ERBB4: variants seen among roughly 807,000 people sequenced by gnomAD.
ERBB4 encodes erb-b2 receptor tyrosine kinase 4, also known as receptor tyrosine-protein kinase erbB-4.
A neutral mutation model predicts 158.0 loss-of-function variants in ERBB4; 42 were observed. The observed-to-expected ratio is 0.27, with a 90% CI of 0.21 to 0.34. The LOEUF is 0.34. ERBB4 is among the 10% of genes least tolerant of loss of function. The pLI is 1.00. For missense variants in ERBB4, 1,333 were observed against 1,624.1 expected (o/e 0.82, Z 3.08); for synonymous variants, 583 against 558.7 (o/e 1.04, Z -0.61).
intron 25 of ERBB4, among the ~76,000 whole-genome samples, chr2:211,402,240 C>G (rs796539053): frequency 6.6e-6 from 1 of 151,856 alleles, no homozygotes; most frequent in African/African-American, 2.4e-5. Context: ...GATAACCAAC[C>G]GGTTACATTA....
intron 1 of ERBB4, among the ~76,000 whole-genome samples, chr2:212,127,856 TAG>T (rs1292129330): frequency 1.3e-5 from 2 of 152,162 alleles, no homozygotes; most frequent in South Asian, 4.2e-4. Context: ...CACCAGAAGC[TAG>T]AGAGTGGCAA....
intron 3 of ERBB4, among the ~76,000 whole-genome samples, chr2:211,920,346 A>G (rs1394678318): frequency 6.6e-6 from 1 of 151,952 alleles, no homozygotes; most frequent in Non-Finnish European, 1.5e-5. Flanking sequence ...TTTTATTTTC[A>G]TTACTAAAAT....
chr2:211,590,436 CAGTGCCTGAGAT>C (rs1354819817), intron 19 of ERBB4, among the ~76,000 whole-genome samples: 1 of 152,172 alleles, frequency 6.6e-6, no homozygotes, highest in Non-Finnish European at 1.5e-5. Flanking sequence ...CTCCTAAGAT[CAGTGCCTGAGAT>C]ATTTTGCAGC....
chr2:211,836,430 G>C (rs1176444013), intron 3 of ERBB4, among the ~76,000 whole-genome samples: 1 of 152,040 alleles, frequency 6.6e-6, no homozygotes, highest in Non-Finnish European at 1.5e-5. Flanking sequence ...TAAACATGTA[G>C]CAACATGTGT....
intron 12 of ERBB4, among the ~76,000 whole-genome samples, chr2:211,685,430 T>C (rs1221139738): frequency 2.6e-5 from 4 of 152,236 alleles, no homozygotes; most frequent in Non-Finnish European, 5.9e-5. Flanking sequence ...GTAAAAAATA[T>C]ATTGGGTATA....
At chr2:211,615,758 T>C (rs2069361881) in intron 19 of ERBB4, among the ~76,000 whole-genome samples, 1 of 152,136 alleles carries the variant, frequency 6.6e-6, no homozygotes, top group Admixed American at 6.6e-5. Flanking sequence ...TTTTGAGTAT[T>C]AAGTTGCCAC....
At chr2:212,396,225 G>A (rs1378380584) in intron 1 of ERBB4, among the ~76,000 whole-genome samples, 1 of 152,056 alleles carries the variant, frequency 6.6e-6, no homozygotes, top group Non-Finnish European at 1.5e-5. Flanking sequence ...ATAAGATCTG[G>A]GACAAAGGTA....
At chr2:212,135,900 T>G (rs1364969114) in intron 1 of ERBB4, among the ~76,000 whole-genome samples, 1 of 152,228 alleles carries the variant, frequency 6.6e-6, no homozygotes, top group African/African-American at 2.4e-5. Flanking sequence ...TGGCTCTCCT[T>G]GAGGTCTTGC....
chr2:211,886,535 C>A (rs2078805942), intron 3 of ERBB4, among the ~76,000 whole-genome samples: 1 of 152,060 alleles, frequency 6.6e-6, no homozygotes, highest in Admixed American at 6.6e-5. Context: ...CATGTGCCCA[C>A]TGACTATATA....
chr2:211,604,304 G>A (rs571322025), intron 19 of ERBB4, among the ~76,000 whole-genome samples: 2 of 152,058 alleles, frequency 1.3e-5, no homozygotes, highest in African/African-American at 4.8e-5. Flanking sequence ...CAATTTTTGC[G>A]TTTGTTTCCT....
intron 1 of ERBB4, among the ~76,000 whole-genome samples, chr2:212,192,192 G>T (rs1381847436): frequency 9.2e-6 from 1 of 108,878 alleles, no homozygotes; most frequent in African/African-American, 3.3e-5. Flanking sequence ...TATAATATTA[G>T]ATATATATAT....
At chr2:211,484,430 T>G (rs2125555453) in intron 20 of ERBB4, among the ~76,000 whole-genome samples, 1 of 152,226 alleles carries the variant, frequency 6.6e-6, no homozygotes, top group South Asian at 2.1e-4. Flanking sequence ...GATTGTTAGG[T>G]TAGATAACAC....
Position 211,894,470 on chromosome 2 carries a change from GT to G in ERBB4, c.421+52959del, listed in dbSNP as rs548982157. On this transcript the variant is annotated intron_variant, in intron 3 of 27. Coordinates refer to ENST00000342788, the MANE Select transcript of ERBB4 (RefSeq NM_005235.3). ...AGATATACCTAATGCTAGATGACGA[GT>G]TAGTGGGTGCAGCGCACCAGCATGG... 3.3e-3 allele frequency among the ~76,000 whole-genome samples: 488 copies of G among 148,496 alleles called. 2 individuals carry two copies. Among genetic ancestry groups the G allele is most frequent in the African/African-American group, 0.012 (465 of 39,842 alleles).
At chr2:212,269,322 A>C (rs976503363) in intron 1 of ERBB4, among the ~76,000 whole-genome samples, 1 of 151,838 alleles carries the variant, frequency 6.6e-6, no homozygotes, top group Non-Finnish European at 1.5e-5. Flanking sequence ...AGGAGAGTAG[A>C]TCAATGAACA....
chr2:211,425,936 G>A (rs1024362894), intron 22 of ERBB4, among the ~76,000 whole-genome samples: 1 of 152,108 alleles, frequency 6.6e-6, no homozygotes, highest in South Asian at 2.1e-4. Context: ...TGCCCACATC[G>A]GCCTCCCTAA....
intron 2 of ERBB4, among the ~76,000 whole-genome samples, chr2:211,982,077 C>G (rs930073370): frequency 6.6e-6 from 1 of 151,712 alleles, no homozygotes; most frequent in African/African-American, 2.4e-5. Context: ...TAAAATGCAG[C>G]AGCAATATTG....
At chr2:211,511,620 T>C (rs2125614915) in intron 20 of ERBB4, among the ~76,000 whole-genome samples, 1 of 152,194 alleles carries the variant, frequency 6.6e-6, no homozygotes, top group Admixed American at 6.5e-5. Context: ...ATAAGCAAAA[T>C]TGTTGTACAT....
chr2:211,941,272 T>A (rs1305847263), intron 3 of ERBB4, among the ~76,000 whole-genome samples: 1 of 146,576 alleles, frequency 6.8e-6, no homozygotes, highest in African/African-American at 2.6e-5. Context: ...TTTTTTTTTT[T>A]GGCGGCAAAT....
chr2:211,672,985 G>A (rs113765239), intron 14 of ERBB4, among the ~76,000 whole-genome samples, 179 bp downstream of exon 14: 2 of 151,928 alleles, frequency 1.3e-5, no homozygotes, highest in Admixed American at 6.6e-5. Flanking sequence ...GTATGACATC[G>A]ACTTTTTAAC....
Sources: allele counts gnomAD v4.1 joint callset (sites outside exome capture counted in the v4.1 genomes callset), GRCh38; gene constraint gnomAD v4.1.1; transcripts MANE v1.5; gene names NCBI Gene and HGNC (gene_info 2026-07-23, HGNC 2026-07-21).